Variants in TNN observed in about 807,000 individuals in gnomAD.
The protein encoded by TNN is tenascin N.
In TNN, 122 loss-of-function variants were observed where a neutral mutation model predicts 134.4. The observed-to-expected ratio is 0.91, with a 90% CI of 0.78 to 1.06. TNN has a LOEUF of 1.06. TNN is among the 50% of genes least tolerant of loss of function. The probability of loss-of-function intolerance (pLI) is 0.00; values close to 1 mark genes in which losing one functional copy is unlikely to be tolerated. For missense variants in TNN, 1,739 were observed against 1,699.4 expected (o/e 1.02, Z -0.41); for synonymous variants, 710 against 670.3 (o/e 1.06, Z -0.91).
At chr1:175,128,480 G>A in intron 14 of TNN, 115 bp from the exon 15 acceptor site, 2 of 1,278,468 alleles carry the variant, frequency 1.6e-6, no homozygotes, top group Non-Finnish European at 1.1e-6. Flanking sequence ...AGAAGCTGAA[G>A]TAGGAAGTTA....
At chr1:175,089,036 C>A in intron 6 of TNN, among the ~76,000 whole-genome samples, 1 of 151,606 alleles carries the variant, frequency 6.6e-6, no homozygotes, top group East Asian at 2.2e-4. Context: ...TATCCTAAAA[C>A]CAGGATAGAA....
chr1:175,131,312 A>G (rs1675667921), intron 15 of TNN, among the ~76,000 whole-genome samples: 1 of 152,240 alleles, frequency 6.6e-6, no homozygotes, highest in South Asian at 2.1e-4. Context: ...GGCTCTTTCC[A>G]CAGACATTTC....
chr1:175,134,059 C>T (rs2101849050), intron 15 of TNN, among the ~76,000 whole-genome samples: 1 of 152,276 alleles, frequency 6.6e-6, no homozygotes, highest in South Asian at 2.1e-4. Flanking sequence ...TCCTGTGTTC[C>T]TGGGAAGAGG....
chr1:175,085,920 G>A (rs1202131798), intron 6 of TNN, among the ~76,000 whole-genome samples: 1 of 150,244 alleles, frequency 6.7e-6, no homozygotes, highest in Non-Finnish European at 1.5e-5. Context: ...TACATGTAGA[G>A]AGAGTCTATC....
chr1:175,080,402 C>T lies in TNN; in HGVS notation c.1024C>T (p.Pro342Ser). The change falls in exon 4 of 19, where the codon CCA becomes TCA. Residue 342 changes from proline to serine, a missense_variant. Physicochemically the swap from Pro to Ser is moderately conservative, Grantham distance 74. Transcript: ENST00000239462. ...CGTCAAGAATGAAGTTTCTAGCAGC[C>T]CACAGCATCTACTTGCCACCACAGG... ...RNVKNEVSSS[P>S]QHLLATTDLA... 3.7e-6 allele frequency: 6 copies of T among 1,614,068 alleles called. No homozygotes were observed. Among genetic ancestry groups the T allele is most frequent in the Non-Finnish European group, 5.1e-6 (6 of 1,179,988 alleles).
Position 175,098,577 on chromosome 1 carries a change from G to A in TNN, c.2101G>A (p.Asp701Asn), listed in dbSNP as rs963792638. 26 of 1,614,018 alleles carry A rather than the reference G, an allele frequency of 1.6e-5. No homozygotes were observed. The highest frequency in any genetic ancestry group is 4.4e-5 in the South Asian group (4 of 91,078). ...GGGGGACCAGGAGAGCAAGAAGGCC[G>A]ACACCAAGGCCCAGACAGGTAAGGA... Reference protein sequence around the residue: ...QKGDQESKKADTKAQTDIDSP... With the variant: ...QKGDQESKKANTKAQTDIDSP... Residue 701 changes from aspartate to asparagine, a missense_variant, in exon 9 of 19, where the codon GAC (aspartate) becomes AAC (asparagine). By Grantham distance (23) the Asp-to-Asn change is conservative. Transcript: ENST00000239462.
In TNN at chr1:175,083,936, G is replaced by A; in HGVS notation, c.1234+1G>A. On this transcript the variant is annotated splice_donor_variant, in intron 5 of 18. Transcript: ENST00000239462. LOFTEE classifies it high-confidence loss of function. ...CCCAAGAGCCGATATGACATCACTG[G>A]TAAGAGCCATCACTGGAATGTGAGA... 6.2e-7 allele frequency: 1 copy of A among 1,613,574 alleles called. No individual in the cohort carries two copies. Among genetic ancestry groups the A allele is most frequent in the Non-Finnish European group, 8.5e-7 (1 of 1,179,810 alleles).
intron 15 of TNN, among the ~76,000 whole-genome samples, chr1:175,134,556 A>AAC (rs1553319827): frequency 1.3e-5 from 2 of 151,796 alleles, no homozygotes; most frequent in Admixed American, 6.6e-5. Context: ...AAAAACAAAC[A>AAC]AACAACAACA....
intron 7 of TNN, 44 bp downstream of exon 7, chr1:175,094,297 G>C (rs1674519261): frequency 6.8e-7 from 1 of 1,469,960 alleles, no homozygotes; most frequent in South Asian, 1.5e-5. Context: ...TCATGGCAGG[G>C]AGAAGGTTGA....
Position 175,097,633 on chromosome 1 carries a change from C to T in TNN, c.1805C>T (p.Ala602Val). The change falls in exon 8 of 19, where the codon GCC becomes GTC. Residue 602 changes from alanine (A) to valine (V), a missense_variant. Ala to Val is a moderately conservative substitution (Grantham distance 64, BLOSUM62 0). Coordinates refer to ENST00000239462, the MANE Select transcript of TNN (RefSeq NM_022093.2). Reference sequence around the variant, plus strand: ...GTGGAGTACACAGTGCATGTCTGGGCCCAGAAGGGGGACCGAGAGAGCAAG... The same window carrying T: ...GTGGAGTACACAGTGCATGTCTGGGTCCAGAAGGGGGACCGAGAGAGCAAG... ...PGVEYTVHVW[A>V]QKGDRESKKA... is the part of the protein sequence containing the mutation. 6.2e-7 allele frequency: 1 copy of T among 1,614,160 alleles called. No homozygotes were observed. Among genetic ancestry groups the T allele is most frequent in the Non-Finnish European group, 8.5e-7 (1 of 1,180,038 alleles).
chr1:175,124,570 A>G (rs1183464984), intron 12 of TNN, among the ~76,000 whole-genome samples: 1 of 152,192 alleles, frequency 6.6e-6, no homozygotes, highest in Non-Finnish European at 1.5e-5. Flanking sequence ...AATCCCAGCT[A>G]CTTGGGAGGC....
At chr1:175,095,078 C>T (rs927142576) in intron 7 of TNN, among the ~76,000 whole-genome samples, 2 of 152,170 alleles carry the variant, frequency 1.3e-5, no homozygotes, top group Admixed American at 1.3e-4. Context: ...ACTTTACTTC[C>T]GTTCCTGTTT....
intron 9 of TNN, among the ~76,000 whole-genome samples, chr1:175,105,220 G>A (rs1160269192): frequency 6.8e-6 from 1 of 146,014 alleles, no homozygotes; most frequent in Non-Finnish European, 1.5e-5. Flanking sequence ...GGACATCTAT[G>A]TACCTATCAG....
intron 13 of TNN, 144 bp from the exon 14 acceptor site, chr1:175,127,888 G>A (rs951675144): frequency 1.4e-4 from 131 of 909,186 alleles, no homozygotes; most frequent in Admixed American, 2.7e-4. Context: ...GCGATTCTGG[G>A]CTGCCACTGA....
intron 3 of TNN, 140 bp downstream of exon 3, chr1:175,079,847 G>T: frequency 8.1e-7 from 1 of 1,232,344 alleles, no homozygotes; most frequent in Non-Finnish European, 1.1e-6. Context: ...CAGAGTTTCT[G>T]ATTCTGCGAT....
chr1:175,137,906 G>C (rs1270422784), intron 17 of TNN, among the ~76,000 whole-genome samples: 1 of 152,218 alleles, frequency 6.6e-6, no homozygotes, highest in South Asian at 2.1e-4. Context: ...CTTTTGCAGA[G>C]AGTCAAATAA....
At chr1:175,132,038 G>T (rs547536309) in intron 15 of TNN, among the ~76,000 whole-genome samples, 2 of 151,938 alleles carry the variant, frequency 1.3e-5, no homozygotes, top group South Asian at 2.1e-4. Context: ...ATGCATTCTA[G>T]GGGGGCAGGG....
intron 15 of TNN, among the ~76,000 whole-genome samples, chr1:175,131,431 T>G (rs1049335925): frequency 6.7e-6 from 1 of 150,000 alleles, no homozygotes; most frequent in African/African-American, 2.5e-5. Flanking sequence ...AGGTTTCTTT[T>G]GTTTGTTTGT....
chr1:175,111,967 T>C (rs1285539953), intron 9 of TNN, among the ~76,000 whole-genome samples: 1 of 152,218 alleles, frequency 6.6e-6, no homozygotes, highest in Non-Finnish European at 1.5e-5. Context: ...TCTTTTTCAA[T>C]TTGGATGCTC....
Sources: gnomAD v4.1 joint callset for allele counts (sites outside exome capture counted in the v4.1 genomes callset) on GRCh38, gnomAD v4.1.1 for gene constraint, MANE v1.5 for transcripts, NCBI Gene and HGNC (gene_info 2026-07-23, HGNC 2026-07-21) for gene names.